PDXDC1: variants seen among roughly 807,000 people sequenced by gnomAD.
PDXDC1 encodes pyridoxal dependent decarboxylase domain containing 1.
PDXDC1 carries 42 observed loss-of-function variants against 100.1 expected under a neutral mutation model. The observed-to-expected ratio is 0.42, with a 90% CI of 0.33 to 0.54. PDXDC1 has a LOEUF of 0.54. PDXDC1 is among the 20% of genes least tolerant of loss of function. The pLI is 0.10. For missense variants in PDXDC1, 636 were observed against 979.2 expected (o/e 0.65, Z 4.68); for synonymous variants, 260 against 371.7 (o/e 0.70, Z 3.46).
At chr16:15,096,984 G>A (rs1163928432) in intron 16 of PDXDC1, among the ~76,000 whole-genome samples, 2 of 152,186 alleles carry the variant, frequency 1.3e-5, no homozygotes, top group Non-Finnish European at 2.9e-5. Context: ...GTCTGAGTCT[G>A]GGTGCAGTGA....
chr16:14,975,887 TG>T (rs1449673297), intron 1 of PDXDC1, among the ~76,000 whole-genome samples: 1 of 152,364 alleles, frequency 6.6e-6, no homozygotes, highest in African/African-American at 2.4e-5. Flanking sequence ...CAGAAAGGGG[TG>T]GGTGTTGCGT....
chr16:15,123,309 C>T, intron 16 of PDXDC1: 11 of 1,434,238 alleles, frequency 7.7e-6, no homozygotes, highest in Non-Finnish European at 1.0e-5. Context: ...TGGTCCACCC[C>T]AACCAGCTCC....
At chr16:15,063,139 G>A (rs2044784534) in intron 16 of PDXDC1, 5 of 1,292,702 alleles carry the variant, frequency 3.9e-6, no homozygotes, top group Non-Finnish European at 5.6e-6. Flanking sequence ...CTATCTCACT[G>A]TGACCTGGAA....
At chr16:15,029,325 G>A (rs2042880456) in intron 15 of PDXDC1, 1 of 554,858 alleles carries the variant, frequency 1.8e-6, no homozygotes, top group Non-Finnish European at 3.1e-6. Context: ...GCAGTGTGGA[G>A]CCAGGCCTGC....
chr16:14,998,764 C>T (rs1972541505), intron 3 of PDXDC1, among the ~76,000 whole-genome samples: 1 of 152,272 alleles, frequency 6.6e-6, no homozygotes, highest in Admixed American at 6.5e-5. Context: ...CTACATTTTT[C>T]TTAAACCAGT....
chr16:15,044,542 G>A (rs926795260), intron 16 of PDXDC1: 37 of 668,316 alleles, frequency 5.5e-5, no homozygotes, highest in Admixed American at 1.5e-4. Flanking sequence ...TCGTGCCACC[G>A]CAAAAGAAAG....
chr16:15,143,203 C>A (rs553590691), downstream of PDXDC1, among the ~76,000 whole-genome samples: 1 of 152,262 alleles, frequency 6.6e-6, no homozygotes, highest in East Asian at 1.9e-4. Context: ...ACCCAGCGGG[C>A]TCCTTAGCGG....
intron 16 of PDXDC1, among the ~76,000 whole-genome samples, chr16:15,117,741 A>C (rs1317681503): frequency 1.1e-4 from 12 of 106,012 alleles, no homozygotes; most frequent in African/African-American, 4.5e-4. Context: ...AATTTATACC[A>C]AAAATTCTCT....
rs2041982765 is a variant in PDXDC1 at position 15,018,921 on chromosome 16, G to A, written c.1045G>A (p.Gly349Arg). The A allele has an allele frequency of 6.2e-7, 1 of 1,610,440 alleles. No individual in the cohort carries two copies. Among genetic ancestry groups the A allele is most frequent in the East Asian group, 2.2e-5 (1 of 44,726 alleles). The change falls in exon 12 of 23, where the codon GGA (glycine) becomes AGA (arginine). Residue 349 changes from glycine (G) to arginine (R), a missense_variant. By Grantham distance (125) the Gly-to-Arg change is moderately radical (BLOSUM62 -2). This residue lies in a region of PDXDC1 where 125 missense variants were observed against 479.9 expected (regional missense o/e 0.26). Coordinates refer to ENST00000396410, the MANE Select transcript of PDXDC1 (RefSeq NM_015027.4). ...TCTGTGGTTATCTTTACAATACTTG[G>A]GACTTGATGGGTTTGTGGAGAGGAT... ...LPLWLSLQYL[G>R]LDGFVERIKH...
chr16:14,979,659 C>A (rs1311001690), intron 1 of PDXDC1, among the ~76,000 whole-genome samples: 2 of 152,290 alleles, frequency 1.3e-5, no homozygotes, highest in African/African-American at 2.4e-5. Flanking sequence ...CCTAAATCAG[C>A]ACAACTCAGC....
At position 15,034,018 on chromosome 16, in the gene PDXDC1, C is replaced by T. The variant is rs2043235143; in HGVS notation, c.1813-268C>T. 6 of 561,902 alleles carry T rather than the reference C, an allele frequency of 1.1e-5. No individual in the cohort carries two copies. The Admixed American group carries it at 1.5e-4, about 14-fold the overall frequency. 34.8% of individuals were successfully genotyped at this position (561,902 alleles called of 1,614,324 possible). On this transcript the variant is annotated intron_variant, in intron 19 of 22. Coordinates refer to ENST00000396410, the MANE Select transcript of PDXDC1 (RefSeq NM_015027.4). ...GCTTCATTCCTTTCTGGGTGGACTCCTTAAGGTTTCTTTCCAGCCTGACTT... is the reference window on the plus strand; with the variant it reads ...GCTTCATTCCTTTCTGGGTGGACTCTTTAAGGTTTCTTTCCAGCCTGACTT...
chr16:14,994,639 A>G (rs1026457263), intron 1 of PDXDC1, among the ~76,000 whole-genome samples: 5 of 152,296 alleles, frequency 3.3e-5, no homozygotes, highest in Non-Finnish European at 7.3e-5. Flanking sequence ...TTTTGGTTCC[A>G]TATGAACTTT....
At chr16:15,057,562 G>A (rs536272612) in intron 16 of PDXDC1, among the ~76,000 whole-genome samples, 1 of 152,318 alleles carries the variant, frequency 6.6e-6, no homozygotes, top group African/African-American at 2.4e-5. Flanking sequence ...TCTAATGCAG[G>A]TGACATTAAG....
At chr16:15,041,860 C>A (rs2043829807), downstream of PDXDC1, among the ~76,000 whole-genome samples, 1 of 152,222 alleles carries the variant, frequency 6.6e-6, no homozygotes, top group African/African-American at 2.4e-5. Flanking sequence ...CACCACAGAA[C>A]CCTGACCGCC....
At chr16:15,017,253 T>C in intron 10 of PDXDC1, 68 bp from the exon 11 acceptor site, 3 of 1,604,630 alleles carry the variant, frequency 1.9e-6, no homozygotes, top group Non-Finnish European at 2.6e-6. Context: ...ACAGTTTTTA[T>C]GAATGGAGGA....
At chr16:15,044,453 T>TCAGAG in intron 16 of PDXDC1, 1 of 1,210,122 alleles carries the variant, frequency 8.3e-7, no homozygotes, top group Non-Finnish European at 1.2e-6. Flanking sequence ...AAGACACCGG[T>TCAGAG]GCGTGCGCTG....
chr16:15,057,303 T>TA (rs2151744646), intron 16 of PDXDC1, among the ~76,000 whole-genome samples: 1 of 152,348 alleles, frequency 6.6e-6, no homozygotes, highest in African/African-American at 2.4e-5. Flanking sequence ...ATTATTTCTC[T>TA]GTATTATTAC....
intron 1 of PDXDC1, chr16:14,989,943 C>T (rs1970354601): frequency 4.1e-6 from 6 of 1,468,030 alleles, no homozygotes; most frequent in African/African-American, 3.0e-5. Flanking sequence ...CAGGCCGCGC[C>T]AGGCGCGGGT....
At chr16:15,129,243 C>A (rs1226406952) in intron 16 of PDXDC1, among the ~76,000 whole-genome samples, 3 of 151,386 alleles carry the variant, frequency 2.0e-5, no homozygotes, top group African/African-American at 7.3e-5. Context: ...CCGAGGCAGG[C>A]GGATCACCTG....
Sources: allele counts gnomAD v4.1 joint callset (sites outside exome capture counted in the v4.1 genomes callset), GRCh38; gene constraint gnomAD v4.1.1; regional missense constraint gnomAD v4.1.1; transcripts MANE v1.5; gene names NCBI Gene and HGNC (gene_info 2026-07-23, HGNC 2026-07-21).